Variants in FUBP3 observed in about 807,000 individuals in gnomAD.
The protein encoded by FUBP3 is far upstream element-binding protein 3.
FUBP3 carries 28 observed loss-of-function variants against 85.6 expected under a neutral mutation model. The ratio of observed to expected loss-of-function variants is 0.33; its 90% CI spans 0.24 to 0.45. FUBP3 has a LOEUF of 0.45. Among genes scored for constraint, FUBP3 ranks in the 20% least tolerant of loss-of-function variants. FUBP3 has a pLI of 1.00. For synonymous variants in FUBP3, 271 were observed against 271.4 expected, an observed-to-expected ratio of 1.00 and a Z score of 0.01; for missense variants, 583 against 755.1, an observed-to-expected ratio of 0.77 and a Z score of 2.67.
chr9:130,589,706 T>TATATATATATATA (rs71499252), intron 1 of FUBP3, among the ~76,000 whole-genome samples: 29 of 40,006 alleles, frequency 7.2e-4, no homozygotes, highest in African/African-American at 1.6e-3. Flanking sequence ...TATATATATA[T>TATATATATATATA]TTTTTTTTTT....
At chr9:130,603,594 A>G (rs995797397) in intron 2 of FUBP3, among the ~76,000 whole-genome samples, 1 of 152,202 alleles carries the variant, frequency 6.6e-6, no homozygotes, top group Admixed American at 6.5e-5. Flanking sequence ...TTGGCAAAGC[A>G]TCATGTGACT....
chr9:130,599,803 C>T (rs1389026885), intron 2 of FUBP3, among the ~76,000 whole-genome samples: 1 of 152,186 alleles, frequency 6.6e-6, no homozygotes, highest in Admixed American at 6.5e-5. Flanking sequence ...TGGAGCCTCT[C>T]CCTGCAGTCA....
intron 1 of FUBP3, among the ~76,000 whole-genome samples, chr9:130,583,875 A>G (rs1448618752): frequency 6.6e-6 from 1 of 152,148 alleles, no homozygotes; most frequent in African/African-American, 2.4e-5. Context: ...AGATGAGAAC[A>G]TTTATAATGT....
chr9:130,623,859 T>C, intron 11 of FUBP3, 148 bp downstream of exon 11: 1 of 478,216 alleles, frequency 2.1e-6, no homozygotes. Context: ...CATCAGCCTC[T>C]TTCCTGCCTT....
intron 2 of FUBP3, among the ~76,000 whole-genome samples, chr9:130,602,505 G>C (rs1302260316): frequency 6.6e-6 from 1 of 152,110 alleles, no homozygotes; most frequent in East Asian, 1.9e-4. Context: ...GCGGTGGTGA[G>C]AGCCATGATG....
intron 1 of FUBP3, 74 bp downstream of exon 1, chr9:130,579,838 G>C (rs1830054488): frequency 1.1e-6 from 1 of 934,970 alleles, no homozygotes; most frequent in East Asian, 3.3e-5. Context: ...AGGGGTTCGG[G>C]CCTGGGGGGC....
intron 1 of FUBP3, among the ~76,000 whole-genome samples, chr9:130,594,471 T>C (rs1405581174): frequency 6.6e-6 from 1 of 151,680 alleles, no homozygotes; most frequent in African/African-American, 2.4e-5. Flanking sequence ...TAATCCCAGC[T>C]ACTCAGGAGG....
chr9:130,597,145 A>G (rs1278556723), intron 2 of FUBP3, among the ~76,000 whole-genome samples: 3 of 152,178 alleles, frequency 2.0e-5, no homozygotes, highest in Middle Eastern at 6.8e-3. Flanking sequence ...AAGTGAGAAC[A>G]TGTAATTTTT....
intron 2 of FUBP3, among the ~76,000 whole-genome samples, chr9:130,601,671 G>C (rs1831159947): frequency 6.6e-6 from 1 of 151,710 alleles, no homozygotes; most frequent in African/African-American, 2.4e-5. Flanking sequence ...ACCTTTTATA[G>C]TACCACACTT....
chr9:130,581,922 A>G (rs1274460566), intron 1 of FUBP3: 1 of 152,198 alleles, frequency 6.6e-6, no homozygotes, highest in Non-Finnish European at 1.5e-5. Flanking sequence ...TGTGAAGTCC[A>G]ACACCTTATC....
chr9:130,610,015 T>C, intron 3 of FUBP3, 28 bp downstream of exon 3: 1 of 1,521,422 alleles, frequency 6.6e-7, no homozygotes, highest in Non-Finnish European at 9.1e-7. Flanking sequence ...TTTTATTATT[T>C]ATTGATCATT....
At chr9:130,599,938 G>C (rs1333945481) in intron 2 of FUBP3, among the ~76,000 whole-genome samples, 1 of 152,062 alleles carries the variant, frequency 6.6e-6, no homozygotes, top group African/African-American at 2.4e-5. Flanking sequence ...CAGCCTGGCT[G>C]CCTGTCTCCT....
rs183740038 is a variant in FUBP3 at position 130,629,962 on chromosome 9, C to A, written c.1118-666C>A. Among the ~76,000 whole-genome samples, 45 of 152,322 alleles carry A rather than the reference C, an allele frequency of 3.0e-4. No homozygotes were observed. In the East Asian group the frequency reaches 4.6e-3, roughly 16 times the overall value. On this transcript the variant is annotated intron_variant, in intron 12 of 18. Coordinates refer to ENST00000319725, the MANE Select transcript of FUBP3 (RefSeq NM_003934.2). ...ATTTCATTAAGAGACTGAGACTCTC[C>A]GCAGGTTTTTGAAAGAGACCAACTG...
At chr9:130,632,123 G>C in intron 15 of FUBP3, 79 bp from the exon 16 acceptor site, 3 of 1,456,966 alleles carry the variant, frequency 2.1e-6, no homozygotes, top group Non-Finnish European at 2.9e-6. Context: ...GCTGGGGTGA[G>C]GGAGGTGAGC....
At chr9:130,613,996 A>G (rs560595491) in intron 5 of FUBP3, among the ~76,000 whole-genome samples, 10 of 152,262 alleles carry the variant, frequency 6.6e-5, no homozygotes, top group Non-Finnish European at 1.5e-4. Flanking sequence ...TGAAACAATT[A>G]CTAGCATGTG....
intron 2 of FUBP3, among the ~76,000 whole-genome samples, chr9:130,605,015 G>A (rs776646704): frequency 6.6e-5 from 10 of 152,066 alleles, no homozygotes; most frequent in Admixed American, 1.3e-4. Flanking sequence ...AAAGTTTTAT[G>A]AAATACATTA....
chr9:130,599,371 G>A (rs1371076089), intron 2 of FUBP3, among the ~76,000 whole-genome samples: 2 of 149,700 alleles, frequency 1.3e-5, no homozygotes, highest in Admixed American at 6.6e-5. Flanking sequence ...GTGTGTGTGT[G>A]TGTGTGTGTG....
chr9:130,636,887 C>G, intron 18 of FUBP3, 127 bp from the exon 19 acceptor site: 1 of 799,770 alleles, frequency 1.3e-6, no homozygotes. Context: ...AGAGAGAAGC[C>G]CAAGACCTCT....
chr9:130,631,686 CCT>C, intron 14 of FUBP3, 56 bp downstream of exon 14: 1 of 1,377,006 alleles, frequency 7.3e-7, no homozygotes, highest in Admixed American at 1.7e-5. Flanking sequence ...CCAGAGATCC[CCT>C]GTCGTTTCCA....
Sources: gnomAD v4.1 joint callset for allele counts (sites outside exome capture counted in the v4.1 genomes callset) on GRCh38, gnomAD v4.1.1 for gene constraint, MANE v1.5 for transcripts, NCBI Gene and HGNC (gene_info 2026-07-23, HGNC 2026-07-21) for gene names.